Variants in AGMO observed in about 807,000 individuals in gnomAD.
AGMO encodes the protein glyceryl-ether monooxygenase.
In AGMO, 75 loss-of-function variants were observed where a neutral mutation model predicts 60.2. The ratio of observed to expected loss-of-function variants is 1.25; its 90% CI spans 1.03 to 1.51. The LOEUF (loss-of-function observed/expected upper bound fraction) is 1.51. AGMO is among the 40% of genes most tolerant of loss of function. AGMO has a pLI of 0.00. For missense variants in AGMO, 763 were observed against 525.5 expected (o/e 1.45, Z -4.42); for synonymous variants, 261 against 177.1 (o/e 1.47, Z -3.76).
the AGMO span, among the ~76,000 whole-genome samples, chr7:15,185,849 AAATT>A: frequency 1.5e-4 from 23 of 152,208 alleles, no homozygotes; most frequent in Non-Finnish European, 2.9e-4. Flanking sequence ...CCTAGAATCA[AAATT>A]AATTAAGCAG....
At chr7:15,289,720 G>C (rs1784202989) in intron 12 of AGMO, among the ~76,000 whole-genome samples, 1 of 151,922 alleles carries the variant, frequency 6.6e-6, no homozygotes, top group African/African-American at 2.4e-5. Flanking sequence ...GGTAAATACT[G>C]AATTATTGTA....
intron 8 of AGMO, among the ~76,000 whole-genome samples, chr7:15,390,411 A>C (rs1784087616): frequency 6.6e-6 from 1 of 152,220 alleles, no homozygotes; most frequent in African/African-American, 2.4e-5. Context: ...ATTCTGAGAA[A>C]GGATATGTTT....
chr7:15,158,032 C>A, the AGMO span, among the ~76,000 whole-genome samples: 1 of 151,988 alleles, frequency 6.6e-6, no homozygotes, highest in African/African-American at 2.4e-5. Flanking sequence ...TCAATAGATT[C>A]TTTTATCCGT....
intron 12 of AGMO, among the ~76,000 whole-genome samples, chr7:15,212,459 C>T (rs1781621942): frequency 6.6e-6 from 1 of 151,878 alleles, no homozygotes. Context: ...CTGAGTTTTT[C>T]ATGAACATAT....
chr7:15,193,041 T>C, the AGMO span, among the ~76,000 whole-genome samples: 16 of 152,346 alleles, frequency 1.1e-4, no homozygotes, highest in African/African-American at 3.8e-4. Context: ...GAAGATATTG[T>C]TTCTAATATG....
At chr7:15,160,610 T>TAATAA in the AGMO span, among the ~76,000 whole-genome samples, 1 of 152,132 alleles carries the variant, frequency 6.6e-6, no homozygotes, top group Non-Finnish European at 1.5e-5. Context: ...ATCTGAAAAT[T>TAATAA]AATAAACTAC....
chr7:15,388,584 T>C lies in AGMO; in HGVS notation c.823-1044A>G, dbSNP rs192028593. On this transcript the variant is annotated intron_variant, in intron 8 of 12. Transcript: ENST00000342526. ...GTAATGTTTTAAAATAAAATATTGTTTTTCACTTATTTATTTCCCAATGCT... is the reference window on the plus strand; with the variant it reads ...GTAATGTTTTAAAATAAAATATTGTCTTTCACTTATTTATTTCCCAATGCT... 8.4e-3 allele frequency among the ~76,000 whole-genome samples: 1,287 copies of C among 152,308 alleles called. 11 individuals are homozygous for C. The highest frequency in any genetic ancestry group is 0.018 in the South Asian group (86 of 4,828).
intron 8 of AGMO, among the ~76,000 whole-genome samples, 155 bp from the exon 9 acceptor site, chr7:15,387,695 G>T (rs933043432): frequency 1.3e-5 from 2 of 152,140 alleles, no homozygotes; most frequent in Non-Finnish European, 2.9e-5. Flanking sequence ...TGCATTCCAT[G>T]CTGTAATCTA....
the AGMO span, among the ~76,000 whole-genome samples, chr7:15,123,678 T>C: frequency 9.9e-5 from 15 of 152,086 alleles, no homozygotes; most frequent in East Asian, 9.7e-4. Flanking sequence ...GAACATAAGA[T>C]AAATTAGAAA....
intron 5 of AGMO, among the ~76,000 whole-genome samples, chr7:15,410,116 G>A (rs1784800878): frequency 6.6e-6 from 1 of 151,608 alleles, no homozygotes; most frequent in Admixed American, 6.6e-5. Context: ...CTGTAACTGT[G>A]CTTCTAAACT....
chr7:15,555,334 CACAT>C (rs1785105189), intron 2 of AGMO, among the ~76,000 whole-genome samples: 3 of 136,250 alleles, frequency 2.2e-5, no homozygotes, highest in Admixed American at 1.5e-4. Flanking sequence ...CACACACACA[CACAT>C]ATGTAAAGAG....
chr7:15,117,877 C>T, the AGMO span, among the ~76,000 whole-genome samples: 1 of 151,820 alleles, frequency 6.6e-6, no homozygotes, highest in Admixed American at 6.6e-5. Context: ...TATTATTCTC[C>T]TATCTGCTGC....
chr7:15,325,829 C>T (rs569076696), intron 12 of AGMO, among the ~76,000 whole-genome samples: 4 of 152,070 alleles, frequency 2.6e-5, no homozygotes, highest in African/African-American at 9.6e-5. Context: ...TGCTTTTATA[C>T]AACATTTTAC....
chr7:15,323,660 A>T (rs1257015432), intron 12 of AGMO, among the ~76,000 whole-genome samples: 1 of 152,140 alleles, frequency 6.6e-6, no homozygotes, highest in Non-Finnish European at 1.5e-5. Context: ...CTGTCTCCCG[A>T]GCTTGCAGTG....
At chr7:15,232,325 G>A (rs1782285040) in intron 12 of AGMO, among the ~76,000 whole-genome samples, 1 of 152,152 alleles carries the variant, frequency 6.6e-6, no homozygotes, top group South Asian at 2.1e-4. Flanking sequence ...GAAGCTAAGT[G>A]ACTTGCACAA....
chr7:15,524,387 T>C (rs950184018), intron 3 of AGMO, among the ~76,000 whole-genome samples: 9 of 152,144 alleles, frequency 5.9e-5, no homozygotes, highest in Non-Finnish European at 1.2e-4. Flanking sequence ...AAATGAAGGC[T>C]AAAATAATTA....
intron 12 of AGMO, among the ~76,000 whole-genome samples, chr7:15,221,894 C>A (rs1186666694): frequency 1.3e-5 from 2 of 152,026 alleles, no homozygotes; most frequent in African/African-American, 2.4e-5. Flanking sequence ...ATAACAATTT[C>A]TGTATGTAAA....
At chr7:15,390,308 C>T (rs941040776) in intron 8 of AGMO, among the ~76,000 whole-genome samples, 1 of 152,124 alleles carries the variant, frequency 6.6e-6, no homozygotes, top group South Asian at 2.1e-4. Flanking sequence ...GAGTCATGCA[C>T]CCTGGAAGCA....
intron 12 of AGMO, among the ~76,000 whole-genome samples, chr7:15,277,030 G>A (rs960951133): frequency 6.6e-6 from 1 of 151,546 alleles, no homozygotes; most frequent in Non-Finnish European, 1.5e-5. Flanking sequence ...TTTATTTGCT[G>A]GGTGTGGTGG....
Sources: allele counts gnomAD v4.1 joint callset (sites outside exome capture counted in the v4.1 genomes callset), GRCh38; gene constraint gnomAD v4.1.1; transcripts MANE v1.5; gene names NCBI Gene and HGNC (gene_info 2026-07-23, HGNC 2026-07-21).